Variants in FNDC7 observed in about 807,000 individuals in gnomAD.
The protein encoded by FNDC7 is fibronectin type III domain containing 7.
FNDC7 carries 66 observed loss-of-function variants against 74.2 expected under a neutral mutation model. The ratio of observed to expected loss-of-function variants is 0.89; its 90% CI spans 0.73 to 1.09. FNDC7 has a LOEUF of 1.09. FNDC7 is among the 50% of genes least tolerant of loss of function. The pLI, the probability that FNDC7 is intolerant of heterozygous loss-of-function variation, is 0.00. For synonymous variants in FNDC7, 307 were observed against 330.2 expected (o/e 0.93, Z 0.76); for missense variants, 829 against 893.4 (o/e 0.93, Z 0.92).
intron 8 of FNDC7, 87 bp from the exon 9 acceptor site, chr1:108,730,587 C>A: frequency 7.0e-7 from 1 of 1,431,152 alleles, no homozygotes; most frequent in South Asian, 1.4e-5. Context: ...GAGTGAAACA[C>A]AGGCAAAATA....
chr1:108,730,150 A>G (rs1174972066), intron 8 of FNDC7, among the ~76,000 whole-genome samples: 1 of 152,132 alleles, frequency 6.6e-6, no homozygotes, highest in Non-Finnish European at 1.5e-5. Context: ...AGGCTGAGGC[A>G]GGCAGATCAT....
At chr1:108,740,620 A>G (rs1297667211) in intron 11 of FNDC7, among the ~76,000 whole-genome samples, 1 of 152,074 alleles carries the variant, frequency 6.6e-6, no homozygotes, top group African/African-American at 2.4e-5. Flanking sequence ...GAGCCACCGC[A>G]CCGGCCATAA....
At chr1:108,731,772 A>C (rs1022794800) in intron 9 of FNDC7, among the ~76,000 whole-genome samples, 1 of 152,258 alleles carries the variant, frequency 6.6e-6, no homozygotes, top group Admixed American at 6.5e-5. Flanking sequence ...GAGAATCAAA[A>C]TAAATCATAA....
intron 2 of FNDC7, 75 bp from the exon 3 acceptor site, chr1:108,717,702 T>C: frequency 6.9e-7 from 1 of 1,452,948 alleles, no homozygotes; most frequent in Non-Finnish European, 9.4e-7. Context: ...ATGATTTAGC[T>C]TGAAGAGTAA....
At chr1:108,720,688 C>G (rs1046321228) in intron 4 of FNDC7, among the ~76,000 whole-genome samples, 1 of 152,160 alleles carries the variant, frequency 6.6e-6, no homozygotes, top group African/African-American at 2.4e-5. Flanking sequence ...TTCCAGGCCT[C>G]TCTCCTTGGC....
rs575398680 is a variant in FNDC7, at chr1:108,725,983, G to A, written c.1090G>A (p.Asp364Asn). The A allele has an allele frequency of 6.2e-7, 1 of 1,614,144 alleles. No individual in the cohort carries two copies. Among genetic ancestry groups the A allele is most frequent in the Admixed American group, 1.7e-5 (1 of 60,018 alleles). Residue 364 changes from aspartate to asparagine, a missense_variant, in exon 6 of 13, where the codon GAC becomes AAC. By Grantham distance (23) the Asp-to-Asn change is conservative. Transcript: ENST00000370017. ...CAAGGCAGGGCAAAGTCCTTTGGGT[G>A]ACATATTCAATTATACCACAGGTAA... is the stretch of plus-strand genomic sequence containing the variant. ...YNKAGQSPLGDIFNYTTAPCC... is the reference protein window; with the variant it reads ...YNKAGQSPLGNIFNYTTAPCC...
intron 4 of FNDC7, among the ~76,000 whole-genome samples, 188 bp downstream of exon 4, chr1:108,719,237 A>G (rs998015301): frequency 1.3e-5 from 2 of 152,180 alleles, no homozygotes; most frequent in Non-Finnish European, 1.5e-5. Context: ...CGCTTCCTGC[A>G]TGGATAAAGA....
chr1:108,728,192 A>G, intron 7 of FNDC7, 127 bp downstream of exon 7: 1 of 1,192,826 alleles, frequency 8.4e-7, no homozygotes, highest in Non-Finnish European at 1.2e-6. Context: ...TGTGGAGACC[A>G]AGAGAGCCCC....
chr1:108,738,821 A>G (rs1029309870), intron 11 of FNDC7, among the ~76,000 whole-genome samples: 1 of 152,174 alleles, frequency 6.6e-6, no homozygotes, highest in Non-Finnish European at 1.5e-5. Context: ...AATCCTTATT[A>G]ATTTTTCAAG....
intron 8 of FNDC7, among the ~76,000 whole-genome samples, chr1:108,730,088 T>C (rs1274359368): frequency 3.3e-5 from 5 of 152,184 alleles, no homozygotes; most frequent in African/African-American, 1.2e-4. Context: ...GTTAGAATTG[T>C]TGAAGATGGG....
chr1:108,742,104 A>C lies in FNDC7; in HGVS notation c.*217A>C, dbSNP rs921926604. The C allele has an allele frequency of 4.9e-6, 2 of 409,646 alleles. No homozygotes were observed. Among genetic ancestry groups the C allele is most frequent in the Non-Finnish European group, 8.8e-6 (2 of 228,380 alleles). The allele number at this position is 409,646 out of a possible 1,614,324, so 25.4% of individuals were successfully genotyped here. A position where few individuals can be genotyped will look rare whatever the true frequency, so the allele number is the denominator to read the frequency against. On this transcript the variant is annotated 3_prime_UTR_variant, in exon 13 of 13. Transcript: ENST00000370017. ...GCAGTTGGAGATCTGCTATGTGAGG[A>C]CTCTGGAGAGAAATGAATCCAGAAA...
At position 108,713,511 on chromosome 1, in the gene FNDC7, G is replaced by T. The variant is rs1231003353; in HGVS notation, c.64G>T (p.Val22Phe). 2 of 1,549,100 alleles carry T rather than the reference G, an allele frequency of 1.3e-6. No homozygotes were observed. Among genetic ancestry groups the T allele is most frequent in the African/African-American group, 1.4e-5 (1 of 72,882 alleles). ...TAATTTTCCAAACTTTCCTTTTCAG[G>T]TTGCTTCAGCAAAATCAGGTACAAT... The part of the protein sequence containing the change: ...IGFILICLKM[V>F]ASAKSAPEIP... Residue 22 changes from valine (V) to phenylalanine (F), a missense_variant and splice_region_variant, in exon 2 of 13, where the codon GTT (valine) becomes TTT (phenylalanine). Transcript: ENST00000370017.
rs754802918 is a variant in FNDC7, at chr1:108,728,785, C to T, written c.1523C>T (p.Thr508Ile). 5.6e-6 allele frequency: 9 copies of T among 1,614,258 alleles called. No homozygotes were observed. In the South Asian group the frequency reaches 8.8e-5, roughly 16 times the overall value. The change falls in exon 8 of 13, where the codon ACC (threonine) becomes ATC (isoleucine). Residue 508 changes from threonine to isoleucine, a missense_variant. Transcript: ENST00000370017. Reference sequence around the variant, plus strand: ...TGCAGCAGCACAGGAGAGTCCTGCACCATGCGGGGCTTGCCCTGTGGCTCA... The same window carrying T: ...TGCAGCAGCACAGGAGAGTCCTGCATCATGCGGGGCTTGCCCTGTGGCTCA... ...YQCSSTGESC[T>I]MRGLPCGSVF... is the part of the protein sequence containing the mutation.
At chr1:108,725,114 T>A (rs994204540) in intron 5 of FNDC7, among the ~76,000 whole-genome samples, 1 of 151,870 alleles carries the variant, frequency 6.6e-6, no homozygotes, top group Non-Finnish European at 1.5e-5. Flanking sequence ...AAAATAAATT[T>A]AAAAAAATAG....
chr1:108,730,099 C>T (rs1337585655), intron 8 of FNDC7, among the ~76,000 whole-genome samples: 1 of 152,026 alleles, frequency 6.6e-6, no homozygotes, highest in Non-Finnish European at 1.5e-5. Context: ...TGAAGATGGG[C>T]CGGGCATGGT....
rs61740850 is a variant in FNDC7 at position 108,728,049 on chromosome 1, C to A, written c.1353C>A (p.Pro451=). 1 of 1,613,682 alleles carries A rather than the reference C, an allele frequency of 6.2e-7. No individual in the cohort carries two copies. Among genetic ancestry groups the A allele is most frequent in the African/African-American group, 1.3e-5 (1 of 74,868 alleles). ...GAGGCAGCAATATGTCATGTACTCCCCAGTTCATAACCACAGGTAAGGCAC... is the reference window on the plus strand; with the variant it reads ...GAGGCAGCAATATGTCATGTACTCCACAGTTCATAACCACAGGTAAGGCAC... The part of the protein sequence containing the change: ...EVRGSNMSCT[P]QFITTAPCSP... Residue 451 remains proline (P), a synonymous_variant, in exon 7 of 13, where the codon CCC becomes CCA. Coordinates refer to ENST00000370017, the MANE Select transcript of FNDC7 (RefSeq NM_001144937.3).
chr1:108,728,961 T>C (rs1570731655), intron 8 of FNDC7, 75 bp downstream of exon 8: 1 of 1,541,264 alleles, frequency 6.5e-7, no homozygotes, highest in East Asian at 2.3e-5. Context: ...TGAACTTCCT[T>C]ATTTAATCTA....
chr1:108,740,430 C>T (rs1357459010), intron 11 of FNDC7, among the ~76,000 whole-genome samples: 3 of 143,680 alleles, frequency 2.1e-5, no homozygotes, highest in African/African-American at 5.2e-5. Flanking sequence ...GGGATTCAAG[C>T]GATTCTCGCG....
intron 4 of FNDC7, among the ~76,000 whole-genome samples, chr1:108,721,339 G>A (rs1356797197): frequency 6.6e-6 from 1 of 152,078 alleles, no homozygotes; most frequent in Non-Finnish European, 1.5e-5. Context: ...CATGGTGCCG[G>A]GCGCCTGTAG....
Sources: gnomAD v4.1 joint callset for allele counts (sites outside exome capture counted in the v4.1 genomes callset) on GRCh38, gnomAD v4.1.1 for gene constraint, MANE v1.5 for transcripts, NCBI Gene and HGNC (gene_info 2026-07-23, HGNC 2026-07-21) for gene names.